Variants in MEGF6 observed in about 807,000 individuals in gnomAD.
MEGF6 encodes multiple epidermal growth factor-like domains protein 6.
MEGF6 carries 184 observed loss-of-function variants against 207.1 expected under a neutral mutation model. That is an observed-to-expected ratio of 0.89 (90% CI 0.79 to 1.00). The LOEUF (loss-of-function observed/expected upper bound fraction) is 1.00, where lower values mean the gene tolerates loss of function less well. MEGF6 is among the 50% of genes least tolerant of loss of function. The pLI, the probability that MEGF6 is intolerant of heterozygous loss-of-function variation, is 0.00. For missense variants in MEGF6, 2,282 were observed against 2,202.9 expected (o/e 1.04, Z -0.72); for synonymous variants, 1,038 against 910.0 (o/e 1.14, Z -2.53).
At chr1:3,586,690 G>A (rs758806669) in intron 3 of MEGF6, among the ~76,000 whole-genome samples, 13 of 152,344 alleles carry the variant, frequency 8.5e-5, no homozygotes, top group Non-Finnish European at 1.5e-4. Flanking sequence ...AAAAGGAAAA[G>A]CAAATGGCGG....
rs1491500365 is a variant in MEGF6, at chr1:3,560,018, A to AG, written c.481+19806dup. Among the ~76,000 whole-genome samples the AG allele has an allele frequency of 7.4e-6, 1 of 134,376 alleles. No homozygotes were observed. The highest frequency in any genetic ancestry group is 1.6e-5 in the Non-Finnish European group (1 of 61,944). 88.2% of individuals were successfully genotyped at this position (134,376 alleles called of 152,430 possible). On this transcript the variant is annotated intron_variant, in intron 4 of 36. Transcript: ENST00000356575. This position sits in a 1 kb window ranked among gnomAD's most constrained non-coding sequence, Gnocchi z 4.0. ...GTATGAGAGTCCGTCTCAAAATAAA[A>AG]GAAAAAAAAAAAAAAAAAGGAAACA...
intron 5 of MEGF6, 149 bp downstream of exon 5, chr1:3,523,975 A>C: frequency 1.1e-6 from 1 of 898,762 alleles, no homozygotes; most frequent in Non-Finnish European, 1.6e-6. Context: ...GATTCCATAG[A>C]GCCATGCTCC....
At chr1:3,585,278 G>A (rs111203515) in intron 3 of MEGF6, among the ~76,000 whole-genome samples, 3,416 of 145,838 alleles carry the variant, frequency 0.023, 129 homozygotes, top group African/African-American at 0.081. Context: ...GTGTGTGGAC[G>A]CATGTCCTGT....
Position 3,505,496 on chromosome 1 carries a change from T to C in MEGF6, c.1979A>G (p.His660Arg), listed in dbSNP as rs768574281. 11 of 1,607,282 alleles carry C rather than the reference T, an allele frequency of 6.8e-6. No homozygotes were observed. The change falls in exon 16 of 37, where the codon CAC becomes CGC. Residue 660 changes from histidine to arginine, a missense_variant. His to Arg is a conservative substitution (Grantham distance 29). Transcript: ENST00000356575. ...CSEECQCVQP[H>R]TQSCDKRDGS... is the part of the protein sequence containing the mutation. ...ATCCCTCTTGTCACAGGACTGCGTG[T>C]GGGGCTGCACACACTGGCACTCCTC...
intron 4 of MEGF6, among the ~76,000 whole-genome samples, chr1:3,555,936 G>T (rs944560175): frequency 4.6e-5 from 7 of 152,228 alleles, no homozygotes; most frequent in African/African-American, 1.7e-4. Flanking sequence ...ATCATCTCTG[G>T]GGGAGGGACT....
intron 4 of MEGF6, among the ~76,000 whole-genome samples, chr1:3,527,627 G>A (rs747180281): frequency 6.6e-5 from 10 of 152,168 alleles, no homozygotes; most frequent in East Asian, 5.8e-4. Flanking sequence ...CCCCAACAGC[G>A]CCCCAAAGAA....
intron 1 of MEGF6, among the ~76,000 whole-genome samples, chr1:3,605,727 TACAC>T (rs1340961337): frequency 2.0e-5 from 3 of 152,166 alleles, no homozygotes; most frequent in South Asian, 4.2e-4. Flanking sequence ...CACTCACAGA[TACAC>T]ACACAGGCAC....
At chr1:3,613,333 G>A (rs1043460936), upstream of MEGF6, among the ~76,000 whole-genome samples, 6 of 152,174 alleles carry the variant, frequency 3.9e-5, no homozygotes, top group African/African-American at 7.2e-5. Context: ...CCACTTCTGC[G>A]CTGGGCCCCT....
At position 3,556,561 on chromosome 1, in the gene MEGF6, G is replaced by A. The variant is rs1241018072; in HGVS notation, c.481+23264C>T. Among the ~76,000 whole-genome samples the A allele has an allele frequency of 6.6e-6, 1 of 152,132 alleles. No individual in the cohort carries two copies. The highest frequency in any genetic ancestry group is 1.9e-4 in the East Asian group (1 of 5,182). ...CAGTGAGTCAGGAGCGGGTCACAGAGGCTGCAGCAGCGGAACTACCTGCAA... is the reference window on the plus strand; with the variant it reads ...CAGTGAGTCAGGAGCGGGTCACAGAAGCTGCAGCAGCGGAACTACCTGCAA... On this transcript the variant is annotated intron_variant, in intron 4 of 36. Transcript: ENST00000356575. The surrounding 1 kb of genome is among the most constrained non-coding windows in gnomAD (Gnocchi z 4.4).
chr1:3,535,034 G>C (rs1642284034), intron 4 of MEGF6, among the ~76,000 whole-genome samples: 1 of 152,206 alleles, frequency 6.6e-6, no homozygotes, highest in African/African-American at 2.4e-5. Flanking sequence ...CCCACTGAAG[G>C]GCTGTATGGC....
chr1:3,496,795 G>A lies in MEGF6; in HGVS notation c.3614-12C>T, dbSNP rs372313189. On this transcript the variant is annotated splice_polypyrimidine_tract_variant and intron_variant, in intron 28 of 36. Coordinates refer to ENST00000356575, the MANE Select transcript of MEGF6 (RefSeq NM_001409.4). ...CCCGGGCGGACATCCTGCAGGGAGA[G>A]GGGCTAGCTGCAGGGGCTGGGGCTG... 8.8e-5 allele frequency: 136 copies of A among 1,551,988 alleles called. No individual in the cohort carries two copies. Among genetic ancestry groups the A allele is most frequent in the Non-Finnish European group, 1.2e-4 (133 of 1,147,920 alleles).
Position 3,611,383 on chromosome 1 carries a change from C to G in MEGF6, c.-115G>C. 1 of 1,298,288 alleles carries G rather than the reference C, an allele frequency of 7.7e-7. No individual in the cohort carries two copies. Among genetic ancestry groups the G allele is most frequent in the Non-Finnish European group, 9.8e-7 (1 of 1,015,952 alleles). 80.4% of individuals were successfully genotyped at this position (1,298,288 alleles called of 1,614,324 possible). On this transcript the variant is annotated 5_prime_UTR_variant, in exon 1 of 37. Transcript: ENST00000356575. The stretch of plus-strand genomic sequence containing the variant: ...CAGCCACAGGTGCCCGCGCCCGCTC[C>G]GCGGAGCCCAAGGTCGCTGCAGGTG...
At chr1:3,611,928 G>T (rs1428943033), upstream of MEGF6, among the ~76,000 whole-genome samples, 1 of 152,066 alleles carries the variant, frequency 6.6e-6, no homozygotes, top group Non-Finnish European at 1.5e-5. Flanking sequence ...CTGGGATCCC[G>T]GACCCCAGAC....
chr1:3,496,754 A>G lies in MEGF6; in HGVS notation c.3643T>C (p.Cys1215Arg). The change falls in exon 29 of 37, where the codon TGT becomes CGT. Residue 1215 changes from cysteine to arginine, a missense_variant. By Grantham distance (180) the Cys-to-Arg change is radical (BLOSUM62 -3). Coordinates refer to ENST00000356575, the MANE Select transcript of MEGF6 (RefSeq NM_001409.4). ...RCPPGRYGPG[C>R]EQLCGCLNGG... ...TTGAGACACCCACACAGCTGTTCAC[A>G]GCCTGGCCCATACCGCCCGGGCGGA... is the stretch of plus-strand genomic sequence containing the variant. The G allele has an allele frequency of 1.9e-6, 3 of 1,559,970 alleles. No homozygotes were observed. The highest frequency in any genetic ancestry group is 2.6e-6 in the Non-Finnish European group (3 of 1,152,358).
At chr1:3,540,977 C>T (rs1395253805) in intron 4 of MEGF6, among the ~76,000 whole-genome samples, 1 of 152,228 alleles carries the variant, frequency 6.6e-6, no homozygotes, top group Non-Finnish European at 1.5e-5. Context: ...GCCTCTTCCA[C>T]ATCCAGAGAA....
intron 4 of MEGF6, among the ~76,000 whole-genome samples, chr1:3,525,921 C>A (rs1362721962): frequency 6.6e-6 from 1 of 152,218 alleles, no homozygotes; most frequent in Non-Finnish European, 1.5e-5. Context: ...CAGAACAGAG[C>A]AGACAGGCAG....
chr1:3,524,511 G>A (rs1220340800), intron 4 of MEGF6, among the ~76,000 whole-genome samples: 2 of 152,364 alleles, frequency 1.3e-5, no homozygotes, highest in Admixed American at 1.3e-4. Context: ...TCCAAGGACA[G>A]GCTGGGCCTC....
intron 4 of MEGF6, among the ~76,000 whole-genome samples, chr1:3,569,963 C>T (rs1557783708): frequency 6.6e-6 from 1 of 152,232 alleles, no homozygotes; most frequent in African/African-American, 2.4e-5. Flanking sequence ...AGGAGAAAGA[C>T]AGAGGCCCTT....
intron 7 of MEGF6, 54 bp downstream of exon 7, chr1:3,514,496 C>G: frequency 6.5e-7 from 1 of 1,537,378 alleles, no homozygotes; most frequent in South Asian, 1.2e-5. Flanking sequence ...CTCCACAGCA[C>G]CTGGGTGCGC....
Sources: allele counts gnomAD v4.1 joint callset (sites outside exome capture counted in the v4.1 genomes callset), GRCh38; gene constraint gnomAD v4.1.1; non-coding constraint Gnocchi (gnomAD v3.1); transcripts MANE v1.5; gene names NCBI Gene and HGNC (gene_info 2026-07-23, HGNC 2026-07-21).